PCDHGA5: variants seen among roughly 807,000 people sequenced by gnomAD.
The protein encoded by PCDHGA5 is protocadherin gamma subfamily A, 5, also known as protocadherin gamma-A5.
A neutral mutation model predicts 56.7 loss-of-function variants in PCDHGA5; 36 were observed. The observed-to-expected ratio is 0.64, with a 90% CI of 0.49 to 0.84. The LOEUF is 0.84. Among genes scored for constraint, PCDHGA5 ranks in the 40% least tolerant of loss-of-function variants. PCDHGA5 has a pLI of 0.00. For missense variants in PCDHGA5, 1,305 were observed against 1,201.5 expected (o/e 1.09, Z -1.27); for synonymous variants, 563 against 520.2 (o/e 1.08, Z -1.12).
chr5:141,492,619 G>A lies in PCDHGA5; in HGVS notation c.2422-2188G>A, dbSNP rs778698501. ...GCGACTGCCGCTCTAAGTGCCGGGC[G>A]GGCAGGACTCTACGATCCTTGGGCC... On this transcript the variant is annotated intron_variant, in intron 1 of 3. Coordinates refer to ENST00000518069, the MANE Select transcript of PCDHGA5 (RefSeq NM_018918.3). 7.8e-4 allele frequency among the ~76,000 whole-genome samples: 118 copies of A among 152,234 alleles called. 1 individual carries two copies. The highest frequency in any genetic ancestry group is 3.3e-3 in the Admixed American group (51 of 15,282).
intron 1 of PCDHGA5, chr5:141,421,975 G>T: frequency 6.2e-7 from 1 of 1,610,052 alleles, no homozygotes; most frequent in African/African-American, 1.3e-5. Context: ...CGTATATCGC[G>T]TGAGTGTTCC....
In PCDHGA5 at chr5:141,378,437, C is replaced by T. The variant is rs146402003; in HGVS notation, c.2421+11686C>T. ...ACTCGGGAGGCTGAGGCAGGAGAAT[C>T]GCTTGAACCCATGAGGCAGAGGTTG... On this transcript the variant is annotated intron_variant, in intron 1 of 3. Transcript: ENST00000518069. 592 of 152,418 alleles carry T rather than the reference C, an allele frequency of 3.9e-3. 6 individuals are homozygous for T. The highest frequency in any genetic ancestry group is 0.011 in the Admixed American group (171 of 15,310). The allele number at this position is 152,418 out of a possible 1,614,324, so 9.4% of individuals were successfully genotyped here.
Position 141,511,403 on chromosome 5 carries a change from AC to A in PCDHGA5, c.*231del. ...TCCGCTGGGAACCCCCATCCAATCA[AC>A]TGCTGTACCCATGGGGGTAGTGGGG... is the stretch of plus-strand genomic sequence containing the variant. On this transcript the variant is annotated 3_prime_UTR_variant, in exon 4 of 4. Coordinates refer to ENST00000518069, the MANE Select transcript of PCDHGA5 (RefSeq NM_018918.3). 1.1e-6 allele frequency: 1 copy of A among 939,022 alleles called. No homozygotes were observed. The highest frequency in any genetic ancestry group is 1.5e-6 in the Non-Finnish European group (1 of 650,838). The allele number at this position is 939,022 out of a possible 1,614,324, so 58.2% of individuals were successfully genotyped here. A position where few individuals can be genotyped will look rare whatever the true frequency, so the allele number is the denominator to read the frequency against.
At position 141,364,466 on chromosome 5, in the gene PCDHGA5, G is replaced by T. The variant is rs1391136210; in HGVS notation, c.136G>T (p.Gly46Cys). ...GGAGCTGGACAAAGGCTCCTTCGTC[G>T]GCAACATAGCCAAGGACCTTGGGCT... ...PEELDKGSFV[G>C]NIAKDLGLEP... is the part of the protein sequence containing the mutation. Residue 46 changes from glycine (G) to cysteine (C), a missense_variant, in exon 1 of 4, where the codon GGC becomes TGC. Physicochemically the swap from Gly to Cys is radical, Grantham distance 159. Transcript: ENST00000518069. 2 of 1,613,990 alleles carry T rather than the reference G, an allele frequency of 1.2e-6. No homozygotes were observed. Among genetic ancestry groups the T allele is most frequent in the Non-Finnish European group, 1.7e-6 (2 of 1,179,878 alleles).
At chr5:141,414,220 C>T in intron 1 of PCDHGA5, 1 of 1,613,094 alleles carries the variant, frequency 6.2e-7, no homozygotes, top group Non-Finnish European at 8.5e-7. Flanking sequence ...TGACAACAGT[C>T]CAGAGCTGAC....
At chr5:141,383,465 C>A (rs199737560) in intron 1 of PCDHGA5, 8 of 1,613,792 alleles carry the variant, frequency 5.0e-6, no homozygotes, top group Non-Finnish European at 5.9e-6. Context: ...GACGATGAAA[C>A]TAAGTACCCG....
chr5:141,378,334 C>T (rs1228314593), intron 1 of PCDHGA5: 1 of 152,202 alleles, frequency 6.6e-6, no homozygotes, highest in East Asian at 1.9e-4. Flanking sequence ...ACCAGCCTGA[C>T]CAACATGGTG....
chr5:141,494,807 C>A lies in PCDHGA5; in HGVS notation c.2422C>A (p.Gln808Lys), dbSNP rs568448786. Residue 808 changes from glutamine to lysine, a missense_variant and splice_region_variant, in exon 2 of 4, where the codon CAA (glutamine) becomes AAA (lysine). Coordinates refer to ENST00000518069, the MANE Select transcript of PCDHGA5 (RefSeq NM_018918.3). ...CCCTTTCCCTCTGTTTTCTCCACAGCAAGCCCCGCCCAACACGGACTGGCG... is the reference window on the plus strand; with the variant it reads ...CCCTTTCCCTCTGTTTTCTCCACAGAAAGCCCCGCCCAACACGGACTGGCG... ...DANKEERRVQ[Q>K]APPNTDWRFS... The A allele has an allele frequency of 2.5e-5, 40 of 1,614,144 alleles. No individual in the cohort carries two copies. The South Asian group carries it at 4.0e-4, about 16-fold the overall frequency.
intron 1 of PCDHGA5, among the ~76,000 whole-genome samples, chr5:141,456,625 C>T (rs544550965): frequency 4.6e-5 from 7 of 152,288 alleles, no homozygotes; most frequent in African/African-American, 1.4e-4. Flanking sequence ...AGATTTGCCT[C>T]TTCTTTACTA....
At chr5:141,467,604 CT>C (rs2099147202) in intron 1 of PCDHGA5, among the ~76,000 whole-genome samples, 1 of 152,204 alleles carries the variant, frequency 6.6e-6, no homozygotes, top group Non-Finnish European at 1.5e-5. Context: ...AGCACTTCAT[CT>C]TTGTCCCAGT....
intron 1 of PCDHGA5, chr5:141,404,091 G>A (rs1404367820): frequency 6.2e-7 from 1 of 1,613,422 alleles, no homozygotes; most frequent in Non-Finnish European, 8.5e-7. Flanking sequence ...GGGAAGAATG[G>A]TCAAGTTGTC....
At chr5:141,405,938 G>A (rs1249578216) in intron 1 of PCDHGA5, among the ~76,000 whole-genome samples, 2 of 152,114 alleles carry the variant, frequency 1.3e-5, no homozygotes, top group Non-Finnish European at 2.9e-5. Flanking sequence ...TAACTTTCAT[G>A]TTCTCATAAT....
chr5:141,366,824 C>T, intron 1 of PCDHGA5, 73 bp downstream of exon 1: 1 of 1,535,428 alleles, frequency 6.5e-7, no homozygotes, highest in Non-Finnish European at 8.8e-7. Context: ...CTGTCATATT[C>T]AGAATCAGCT....
chr5:141,384,340 A>C (rs970369905), intron 1 of PCDHGA5: 6 of 1,613,856 alleles, frequency 3.7e-6, no homozygotes, highest in South Asian at 1.1e-5. Context: ...GGACCACGAC[A>C]GTGAGGATAA....
At chr5:141,403,901 A>G in intron 1 of PCDHGA5, 3 of 1,613,926 alleles carry the variant, frequency 1.9e-6, no homozygotes, top group Non-Finnish European at 2.5e-6. Context: ...ATTTTATGAA[A>G]TGGAAATACA....
In PCDHGA5 at chr5:141,476,780, C is replaced by T. The variant is rs201463036; in HGVS notation, c.2422-18027C>T. On this transcript the variant is annotated intron_variant, in intron 1 of 3. Transcript: ENST00000518069. This position sits in a 1 kb window ranked among gnomAD's most constrained non-coding sequence, Gnocchi z 7.6. ...GCTGACGGCGTTGGACGGAGGGACCCCAGCTCTCTCCGCCAGCCTGCCTAT... is the reference window on the plus strand; with the variant it reads ...GCTGACGGCGTTGGACGGAGGGACCTCAGCTCTCTCCGCCAGCCTGCCTAT... 234 of 1,613,464 alleles carry T rather than the reference C, an allele frequency of 1.5e-4. No individual in the cohort carries two copies. Among genetic ancestry groups the T allele is most frequent in the Non-Finnish European group, 1.9e-4 (227 of 1,180,026 alleles).
intron 1 of PCDHGA5, chr5:141,404,234 G>A (rs2094500908): frequency 6.2e-7 from 1 of 1,613,770 alleles, no homozygotes; most frequent in African/African-American, 1.3e-5. Context: ...AACAGACAGA[G>A]GAACTCCGCC....
At chr5:141,474,156 A>T (rs1387216017) in intron 1 of PCDHGA5, among the ~76,000 whole-genome samples, 1 of 152,244 alleles carries the variant, frequency 6.6e-6, no homozygotes, top group Non-Finnish European at 1.5e-5. Context: ...CAAGAAAATG[A>T]CAGGCCTTAT....
chr5:141,374,107 G>A, intron 1 of PCDHGA5: 3 of 1,573,706 alleles, frequency 1.9e-6, no homozygotes, highest in Non-Finnish European at 8.6e-7. Flanking sequence ...AGAGGCATCC[G>A]CAGCGCAGCG....
Sources: allele counts gnomAD v4.1 joint callset (sites outside exome capture counted in the v4.1 genomes callset), GRCh38; gene constraint gnomAD v4.1.1; non-coding constraint Gnocchi (gnomAD v3.1); transcripts MANE v1.5; gene names NCBI Gene and HGNC (gene_info 2026-07-23, HGNC 2026-07-21).